Variants in ZNF875 observed in about 807,000 individuals in gnomAD.
The protein encoded by ZNF875 is zinc finger protein 875.
ZNF875 carries 14 observed loss-of-function variants against 11.2 expected under a neutral mutation model. The ratio of observed to expected loss-of-function variants is 1.26; its 90% CI spans 0.83 to 1.96. The LOEUF (loss-of-function observed/expected upper bound fraction) is 1.96. ZNF875 is among the 30% of genes most tolerant of loss of function. ZNF875 has a pLI of 0.00. For missense variants in ZNF875, 752 were observed against 760.4 expected (o/e 0.99, Z 0.13); for synonymous variants, 301 against 281.1 (o/e 1.07, Z -0.71).
intron 2 of ZNF875, among the ~76,000 whole-genome samples, chr19:37,323,313 C>A (rs1568562803): frequency 6.6e-6 from 1 of 152,044 alleles, no homozygotes; most frequent in Non-Finnish European, 1.5e-5. Flanking sequence ...ACCACCACGC[C>A]TGGCTAATTT....
Position 37,363,658 on chromosome 19 carries a change from C to G in ZNF875, c.1806C>G (p.His602Gln). 1 of 1,613,604 alleles carries G rather than the reference C, an allele frequency of 6.2e-7. No individual in the cohort carries two copies. Among genetic ancestry groups the G allele is most frequent in the Admixed American group, 1.7e-5 (1 of 59,984 alleles). ...GGCAAGGCTTTAGCCGGCAGTCACA[C>G]CTCATTAGACACCAGAGGACACATT... ...ECGQGFSRQSHLIRHQRTHSG... is the reference protein window; with the variant it reads ...ECGQGFSRQSQLIRHQRTHSG... Residue 602 changes from histidine to glutamine, a missense_variant, in exon 5 of 5, where the codon CAC becomes CAG. Transcript: ENST00000392153.
At position 37,363,105 on chromosome 19, in the gene ZNF875, G is replaced by A. The variant is rs1302159411; in HGVS notation, c.1253G>A (p.Gly418Glu). ...ATCAGACACTTAAGGACACACACAG[G>A]AGAGAAGCCTTATGTATGCACAGAA... ...HLIRHLRTHTGEKPYVCTECG... is the reference protein window; with the variant it reads ...HLIRHLRTHTEEKPYVCTECG... The change falls in exon 5 of 5, where the codon GGA becomes GAA. Residue 418 changes from glycine (G) to glutamate (E), a missense_variant. Gly to Glu is a moderately conservative substitution (Grantham distance 98). Transcript: ENST00000392153. 6.2e-7 allele frequency: 1 copy of A among 1,613,952 alleles called. No homozygotes were observed. Among genetic ancestry groups the A allele is most frequent in the Non-Finnish European group, 8.5e-7 (1 of 1,180,010 alleles).
intron 1 of ZNF875, among the ~76,000 whole-genome samples, chr19:37,320,386 A>G (rs1335125140): frequency 2.6e-5 from 4 of 152,232 alleles, no homozygotes; most frequent in African/African-American, 9.6e-5. Context: ...AATAGCCTTC[A>G]TGGTTGTCAC....
At chr19:37,361,308 G>A (rs982700475) in intron 4 of ZNF875, among the ~76,000 whole-genome samples, 3 of 151,914 alleles carry the variant, frequency 2.0e-5, no homozygotes, top group Admixed American at 6.6e-5. Flanking sequence ...ACAGGGTTTC[G>A]CCATGTTGGC....
chr19:37,349,235 A>G (rs1035824301), intron 4 of ZNF875, among the ~76,000 whole-genome samples: 1 of 152,190 alleles, frequency 6.6e-6, no homozygotes, highest in Non-Finnish European at 1.5e-5. Flanking sequence ...TACATCTGCA[A>G]CAACCCTGTT....
chr19:37,316,454 C>A (rs1441197230), upstream of ZNF875, among the ~76,000 whole-genome samples: 3 of 152,122 alleles, frequency 2.0e-5, no homozygotes, highest in African/African-American at 7.2e-5. Context: ...ACTGCAACCT[C>A]CCCCTCCCGG....
chr19:37,354,633 C>T (rs961336213), intron 4 of ZNF875, among the ~76,000 whole-genome samples: 14 of 152,008 alleles, frequency 9.2e-5, no homozygotes, highest in African/African-American at 2.9e-4. Flanking sequence ...TGTGGTTTGT[C>T]CCCACCACAA....
chr19:37,342,340 C>CTG (rs753893141), intron 2 of ZNF875, among the ~76,000 whole-genome samples: 6 of 151,856 alleles, frequency 4.0e-5, no homozygotes, highest in Non-Finnish European at 8.8e-5. Context: ...CGCTTGCAAG[C>CTG]TGTATAATTG....
At chr19:37,347,153 G>A (rs1182629567) in intron 2 of ZNF875, 37 bp from the exon 3 acceptor site, 2 of 1,613,166 alleles carry the variant, frequency 1.2e-6, no homozygotes, top group Non-Finnish European at 1.7e-6. Flanking sequence ...GGGAAAGACA[G>A]GCTCCTGGGT....
chr19:37,338,132 CTT>C (rs1777307027), intron 2 of ZNF875, among the ~76,000 whole-genome samples: 1 of 152,114 alleles, frequency 6.6e-6, no homozygotes, highest in African/African-American at 2.4e-5. Context: ...CGTACTTTCT[CTT>C]TTCTTTGAGG....
intron 4 of ZNF875, among the ~76,000 whole-genome samples, chr19:37,352,397 C>T (rs374864877): frequency 7.9e-5 from 12 of 151,984 alleles, no homozygotes; most frequent in South Asian, 2.1e-4. Flanking sequence ...CCCACTACCA[C>T]GCCTGGCTAA....
chr19:37,328,911 T>C (rs1451121699), intron 4 of ZNF875: 10 of 152,188 alleles, frequency 6.6e-5, no homozygotes. Context: ...CCTAATCTGA[T>C]GTTAAATTAG....
intron 4 of ZNF875, among the ~76,000 whole-genome samples, chr19:37,326,664 C>CTTTTTTTTTTTTTTT (rs35805509): frequency 1.1e-5 from 1 of 88,096 alleles, no homozygotes; most frequent in Non-Finnish European, 2.1e-5. Flanking sequence ...AATTAGAAAG[C>CTTTTTTTTTTTTTTT]TTTTTTTTTT....
chr19:37,328,946 T>A (rs1394549333), intron 4 of ZNF875: 1 of 152,164 alleles, frequency 6.6e-6, no homozygotes, highest in Non-Finnish European at 1.5e-5. Flanking sequence ...CTTGGACCAA[T>A]AGTATCAGTA....
chr19:37,361,372 G>A (rs2039883883), intron 4 of ZNF875, among the ~76,000 whole-genome samples: 1 of 152,140 alleles, frequency 6.6e-6, no homozygotes, highest in South Asian at 2.1e-4. Context: ...GCTTCCCAAA[G>A]TGTTGGGACT....
chr19:37,350,468 C>T (rs1000304727), intron 4 of ZNF875, among the ~76,000 whole-genome samples: 1 of 152,058 alleles, frequency 6.6e-6, no homozygotes, highest in Admixed American at 6.6e-5. Context: ...TCCATTTACT[C>T]TTCACCCTGC....
chr19:37,334,026 A>T (rs1003106948), upstream of ZNF875, among the ~76,000 whole-genome samples: 9 of 151,856 alleles, frequency 5.9e-5, no homozygotes, highest in African/African-American at 1.9e-4. Flanking sequence ...CCACCAGGGG[A>T]TCTTTTGCTG....
chr19:37,342,672 A>G (rs554999755), intron 2 of ZNF875, among the ~76,000 whole-genome samples: 157 of 152,240 alleles, frequency 1.0e-3, no homozygotes, highest in African/African-American at 3.4e-3. Context: ...TCGGCCTCCC[A>G]AAGTGTTGGG....
chr19:37,333,433 C>T (rs913826577), upstream of ZNF875, among the ~76,000 whole-genome samples: 1 of 152,198 alleles, frequency 6.6e-6, no homozygotes, highest in African/African-American at 2.4e-5. Flanking sequence ...GATCCTCCTT[C>T]CTAAACACCC....
Sources: allele counts gnomAD v4.1 joint callset (sites outside exome capture counted in the v4.1 genomes callset), GRCh38; gene constraint gnomAD v4.1.1; transcripts MANE v1.5; gene names NCBI Gene and HGNC (gene_info 2026-07-23, HGNC 2026-07-21).